Variants in NCKAP5 observed in about 807,000 individuals in gnomAD.
NCKAP5 encodes the protein nck-associated protein 5.
NCKAP5 carries 92 observed loss-of-function variants against 167.0 expected under a neutral mutation model. That is an observed-to-expected ratio of 0.55 (90% CI 0.47 to 0.66). The LOEUF (loss-of-function observed/expected upper bound fraction) is 0.66, where lower values mean the gene tolerates loss of function less well. Ranked by LOEUF, NCKAP5 falls within the 30% of genes least tolerant of loss-of-function variation. The probability of loss-of-function intolerance (pLI) is 0.00; values close to 1 mark genes in which losing one functional copy is unlikely to be tolerated. For synonymous variants in NCKAP5, 891 were observed against 877.4 expected (o/e 1.02, Z -0.27); for missense variants, 2,378 against 2,315.0 (o/e 1.03, Z -0.56).
chr2:132,934,263 A>G (rs998092894), intron 8 of NCKAP5, among the ~76,000 whole-genome samples: 24 of 152,192 alleles, frequency 1.6e-4, no homozygotes, highest in African/African-American at 5.5e-4. Context: ...AGTCATGGAT[A>G]ATTCAACATA....
rs553188299 is a variant in NCKAP5 at position 133,182,245 on chromosome 2, A to G, written c.207+31471T>C. ...ACACAACAATAGCATTAACCAACAA[A>G]TAGGATCTATTCAACATTTATGGAA... On this transcript the variant is annotated intron_variant, in intron 5 of 19. Transcript: ENST00000409261. Among the ~76,000 whole-genome samples the G allele has an allele frequency of 1.2e-4, 19 of 152,326 alleles. 2 individuals are homozygous for G. The South Asian group carries it at 2.3e-3, about 18-fold the overall frequency.
At chr2:132,959,787 G>A (rs777697333) in intron 8 of NCKAP5, among the ~76,000 whole-genome samples, 11 of 152,164 alleles carry the variant, frequency 7.2e-5, no homozygotes, top group East Asian at 1.9e-4. Flanking sequence ...CTGAGACATG[G>A]CAGTGCTGTT....
chr2:133,208,708 CA>C (rs2086071628), intron 5 of NCKAP5, among the ~76,000 whole-genome samples: 1 of 152,180 alleles, frequency 6.6e-6, no homozygotes, highest in African/African-American at 2.4e-5. Context: ...TCAACTATGA[CA>C]AGTGTACCAT....
At chr2:133,646,176 A>G in the NCKAP5 span, among the ~76,000 whole-genome samples, 29 of 152,272 alleles carry the variant, frequency 1.9e-4, no homozygotes, top group Non-Finnish European at 2.8e-4. Flanking sequence ...TAGAAAAGGT[A>G]CAGACAGATT....
intron 8 of NCKAP5, 65 bp downstream of exon 8, chr2:132,963,655 G>T: frequency 6.7e-7 from 1 of 1,502,186 alleles, no homozygotes; most frequent in Non-Finnish European, 9.2e-7. Context: ...CAAAACCAGT[G>T]CCAATAAAAG....
rs903247363 is a variant in NCKAP5, at chr2:133,009,442, T to G, written c.342-15203A>C. 4.4e-4 allele frequency among the ~76,000 whole-genome samples: 67 copies of G among 152,108 alleles called. 1 individual carries two copies. Among genetic ancestry groups the G allele is most frequent in the Non-Finnish European group, 5.9e-5 (4 of 68,030 alleles). ...GGAGCTATATATTGATTTACCTCAT[T>G]TGAGGCGTATTAGATGCTGAAAAAT... On this transcript the variant is annotated intron_variant, in intron 6 of 19. Coordinates refer to ENST00000409261, the MANE Select transcript of NCKAP5 (RefSeq NM_207363.3).
chr2:133,545,766 G>C (rs1575134230), intron 2 of NCKAP5, among the ~76,000 whole-genome samples: 1 of 152,116 alleles, frequency 6.6e-6, no homozygotes, highest in Non-Finnish European at 1.5e-5. Context: ...AGGGAGGAGG[G>C]GAGAGGCAGG....
chr2:133,469,362 G>T (rs1296162339), intron 3 of NCKAP5, among the ~76,000 whole-genome samples: 1 of 151,998 alleles, frequency 6.6e-6, no homozygotes, highest in Non-Finnish European at 1.5e-5. Flanking sequence ...GGCTTGTAGG[G>T]TTTCTGCCGA....
chr2:133,654,288 G>C, the NCKAP5 span, among the ~76,000 whole-genome samples: 2 of 151,988 alleles, frequency 1.3e-5, no homozygotes, highest in Admixed American at 1.3e-4. Flanking sequence ...TGAGGCAGGA[G>C]AATCACTTGA....
intron 5 of NCKAP5, among the ~76,000 whole-genome samples, chr2:133,130,768 G>T (rs1243503485): frequency 6.6e-6 from 1 of 152,188 alleles, no homozygotes; most frequent in African/African-American, 2.4e-5. Flanking sequence ...TCCTGGAACT[G>T]GTAAAAAGCA....
chr2:132,723,859 G>A lies in NCKAP5; in HGVS notation c.5713+1768C>T, dbSNP rs534084794. 7.9e-5 allele frequency among the ~76,000 whole-genome samples: 12 copies of A among 152,284 alleles called. No individual in the cohort carries two copies. The East Asian group carries it at 1.2e-3, about 15-fold the overall frequency. The stretch of plus-strand genomic sequence containing the variant: ...AGTTTTCTCAATACAGCAGCCAGAC[G>A]CATCCTTTTTAAACTTTGCACGTCA... On this transcript the variant is annotated intron_variant, in intron 19 of 19. Coordinates refer to ENST00000409261, the MANE Select transcript of NCKAP5 (RefSeq NM_207363.3).
At chr2:133,594,183 G>T in the NCKAP5 span, among the ~76,000 whole-genome samples, 1 of 152,344 alleles carries the variant, frequency 6.6e-6, no homozygotes, top group East Asian at 1.9e-4. Flanking sequence ...CATTGCAGCC[G>T]TGGGACTCTC....
chr2:132,871,271 TTCAAAG>T (rs1252593963), intron 9 of NCKAP5, among the ~76,000 whole-genome samples: 2 of 152,156 alleles, frequency 1.3e-5, no homozygotes. Flanking sequence ...TAACTGAGAA[TTCAAAG>T]TCAAACTACA....
intron 4 of NCKAP5, among the ~76,000 whole-genome samples, chr2:133,259,238 C>T (rs1472996795): frequency 6.6e-6 from 1 of 152,196 alleles, no homozygotes; most frequent in African/African-American, 2.4e-5. Context: ...TCTCCCATTC[C>T]ACTGATTTCC....
chr2:132,909,893 A>G (rs564874002), intron 8 of NCKAP5, among the ~76,000 whole-genome samples: 1 of 152,310 alleles, frequency 6.6e-6, no homozygotes, highest in African/African-American at 2.4e-5. Flanking sequence ...TCCTTACTCT[A>G]TGTGATAGGA....
rs769494503 is a variant in NCKAP5 at position 132,728,924 on chromosome 2, T to C, written c.5472A>G (p.Glu1824=). ...SGKVSSQKQN[E]AEPRPQTCSS... ...AGCATGTCTGAGGCCTTGGCTCTGC[T>C]TCATTCTGCTTTTGGGAACTGACTT... is the stretch of plus-strand genomic sequence containing the variant. Residue 1824 remains glutamate (E), a synonymous_variant, in exon 18 of 20, where the codon GAA becomes GAG. Transcript: ENST00000409261. 6.2e-7 allele frequency: 1 copy of C among 1,614,014 alleles called. No homozygotes were observed. Among genetic ancestry groups the C allele is most frequent in the Admixed American group, 1.7e-5 (1 of 60,032 alleles).
At chr2:133,262,553 C>T (rs2088961846) in intron 4 of NCKAP5, among the ~76,000 whole-genome samples, 1 of 152,160 alleles carries the variant, frequency 6.6e-6, no homozygotes, top group South Asian at 2.1e-4. Context: ...TTTATGCCAC[C>T]TACTCTCTGA....
chr2:132,727,055 CT>C (rs753661656), intron 18 of NCKAP5, among the ~76,000 whole-genome samples: 53 of 152,178 alleles, frequency 3.5e-4, no homozygotes, highest in Non-Finnish European at 1.6e-4. Context: ...GAAACGTTCC[CT>C]ATCTGGCAGT....
chr2:133,028,107 G>A (rs1333208486), intron 6 of NCKAP5, among the ~76,000 whole-genome samples: 1 of 152,204 alleles, frequency 6.6e-6, no homozygotes, highest in Non-Finnish European at 1.5e-5. Context: ...TCCAAAATCT[G>A]AGAAAATCTG....
Sources: gnomAD v4.1 joint callset for allele counts (sites outside exome capture counted in the v4.1 genomes callset) on GRCh38, gnomAD v4.1.1 for gene constraint, MANE v1.5 for transcripts, NCBI Gene and HGNC (gene_info 2026-07-23, HGNC 2026-07-21) for gene names.